MATN3: variants seen among roughly 807,000 people sequenced by gnomAD.
MATN3 encodes matrilin 3, also known as matrilin-3.
Under a neutral mutation model 45.3 loss-of-function variants are expected in MATN3, and 48 were observed. The observed-to-expected ratio is 1.06, with a 90% CI of 0.84 to 1.35. The LOEUF (loss-of-function observed/expected upper bound fraction) is 1.35. Among genes scored for constraint, MATN3 ranks in the 40% most tolerant of loss-of-function variants. The pLI is 0.00. For synonymous variants in MATN3, 217 were observed against 245.9 expected, an observed-to-expected ratio of 0.88 and a Z score of 1.10; for missense variants, 599 against 628.0, an observed-to-expected ratio of 0.95 and a Z score of 0.49.
chr2:19,997,693 A>G (rs1002864189), intron 5 of MATN3: 7 of 155,584 alleles, frequency 4.5e-5, no homozygotes, highest in African/African-American at 1.7e-4. Context: ...GATGCTGCAC[A>G]AAAAGCACTA....
At chr2:20,001,921 A>AAGT (rs1672991615) in intron 4 of MATN3, 34 bp downstream of exon 4, 1 of 1,605,162 alleles carries the variant, frequency 6.2e-7, no homozygotes, top group Non-Finnish European at 8.5e-7. Flanking sequence ...GCAGAGAGCT[A>AAGT]AGTAGCAATA....
At chr2:19,993,191 C>T in intron 7 of MATN3, 25 bp from the exon 8 acceptor site, 2 of 1,562,188 alleles carry the variant, frequency 1.3e-6, no homozygotes, top group Non-Finnish European at 1.8e-6. Flanking sequence ...AGGCCAACAC[C>T]ATTTATTTTT....
chr2:19,996,914 A>T (rs1672881749), intron 6 of MATN3, among the ~76,000 whole-genome samples: 1 of 152,236 alleles, frequency 6.6e-6, no homozygotes, highest in African/African-American at 2.4e-5. Flanking sequence ...AAGTTTAGTT[A>T]TTAAGAAAAA....
intron 3 of MATN3, 115 bp from the exon 4 acceptor site, chr2:20,002,195 G>GAT: frequency 2.2e-6 from 1 of 463,732 alleles, no homozygotes; most frequent in South Asian, 6.5e-5. Context: ...CACACACAGA[G>GAT]CTAATGAAAC....
rs1163216235 is a variant in MATN3, at chr2:20,012,530, C to T, written c.102G>A (p.Pro34=). 2 of 1,227,052 alleles carry T rather than the reference C, an allele frequency of 1.6e-6. No homozygotes were observed. The highest frequency in any genetic ancestry group is 2.0e-6 in the Non-Finnish European group (2 of 985,176). 76.0% of individuals were successfully genotyped at this position (1,227,052 alleles called of 1,614,324 possible). A position where few individuals can be genotyped will look rare whatever the true frequency, so the allele number is the denominator to read the frequency against. ...CTCGGGTCTCCAGCCTCCGGAAGCC[C>T]GGGCGGGCCACGGGGTCGGGGGCGG... The part of the protein sequence containing the change: ...PSAAPDPVAR[P]GFRRLETRGP... The change falls in exon 1 of 8, where the codon CCG becomes CCA. Residue 34 remains proline, a synonymous_variant. Transcript: ENST00000407540. The surrounding 1 kb of genome is among the most constrained non-coding windows in gnomAD (Gnocchi z 4.3).
At chr2:20,009,917 T>C (rs1009468784) in intron 1 of MATN3, among the ~76,000 whole-genome samples, 2 of 151,964 alleles carry the variant, frequency 1.3e-5, no homozygotes, top group Non-Finnish European at 2.9e-5. Context: ...ATTTCTTAAA[T>C]GTATTTGATT....
In MATN3 at chr2:20,006,084, CA is replaced by C. The variant is rs773124119; in HGVS notation, c.449del (p.Val150GlyfsTer15). The C allele has an allele frequency of 3.6e-5, 58 of 1,613,880 alleles. No homozygotes were observed. Among genetic ancestry groups the C allele is most frequent in the Non-Finnish European group, 4.8e-5 (57 of 1,179,894 alleles). On this transcript the variant is annotated frameshift_variant, in exon 2 of 8. Transcript: ENST00000407540. LOFTEE classifies it high-confidence loss of function. ...YTDKQSLKQA[V>X]GRITPLSTGT... Reference sequence around the variant, plus strand: ...CTGTTGACAAGGGTGTGATTCGACCCACGGCCTGCTTCAGGGACTGCTTATC... The same window carrying C: ...CTGTTGACAAGGGTGTGATTCGACCCCGGCCTGCTTCAGGGACTGCTTATC...
chr2:19,993,888 C>G (rs75669705), intron 7 of MATN3, among the ~76,000 whole-genome samples: 5,344 of 152,166 alleles, frequency 0.035, 308 homozygotes, highest in African/African-American at 0.12. Context: ...GCTTTTTGAC[C>G]ACTTGGCTAG....
chr2:20,011,119 A>C (rs1473135096), intron 1 of MATN3, among the ~76,000 whole-genome samples: 1 of 152,258 alleles, frequency 6.6e-6, no homozygotes, highest in African/African-American at 2.4e-5. Context: ...GATAATTTGG[A>C]ACAGGGTGGA....
chr2:19,995,454 AAAAAC>A lies in MATN3; in HGVS notation c.1295-1050_1295-1046del, dbSNP rs556272300. Among the ~76,000 whole-genome samples the A allele has an allele frequency of 1.1e-3, 172 of 152,338 alleles. No individual in the cohort carries two copies. Among genetic ancestry groups the A allele is most frequent in the African/African-American group, 3.9e-3 (164 of 41,582 alleles). On this transcript the variant is annotated intron_variant, in intron 6 of 7. Transcript: ENST00000407540. This position sits in a 1 kb window ranked among gnomAD's most constrained non-coding sequence, Gnocchi z 4.2. ...GGTGACAGATTGAAATGTCGTCTCA[AAAAAC>A]AAAACAAAAAAAAAGGATAAAAACC...
Position 20,006,180 on chromosome 2 carries a change from G to A in MATN3, c.354C>T (p.Ala118=), listed in dbSNP as rs192462913. The A allele has an allele frequency of 7.4e-4, 1,192 of 1,613,872 alleles. 13 individuals carry two copies. In the South Asian group the frequency reaches 0.012, roughly 16 times the overall value. The change falls in exon 2 of 8, where the codon GCC becomes GCT. Residue 118 remains alanine, a synonymous_variant. Coordinates refer to ENST00000407540, the MANE Select transcript of MATN3 (RefSeq NM_002381.5). ...RIIDTLDIGP[A]DTRVAVVNYA... ...AGTTCACCACTGCCACCCGCGTGTC[G>A]GCTGGCCCAATGTCCAGAGTGTCGA... is the stretch of plus-strand genomic sequence containing the variant.
At position 20,012,567 on chromosome 2, in the gene MATN3, A is replaced by G. The variant is rs1385607508; in HGVS notation, c.65T>C (p.Leu22Pro). The G allele has an allele frequency of 1.6e-6, 2 of 1,227,026 alleles. No homozygotes were observed. Among genetic ancestry groups the G allele is most frequent in the East Asian group, 3.2e-5 (1 of 31,070 alleles). The allele number at this position is 1,227,026 out of a possible 1,614,324, so 76.0% of individuals were successfully genotyped here. A position where few individuals can be genotyped will look rare whatever the true frequency, so the allele number is the denominator to read the frequency against. ...GLLLLLWPLL[L>P]LPSAAPDPVA... is the part of the protein sequence containing the mutation. The stretch of plus-strand genomic sequence containing the variant: ...GGGGTCGGGGGCGGCGGAGGGCAGC[A>G]GCAGCAGCGGCCAGAGCAGCAGGAG... Residue 22 changes from leucine to proline, a missense_variant, in exon 1 of 8, where the codon CTG becomes CCG. Physicochemically the swap from Leu to Pro is moderately conservative, Grantham distance 98. Transcript: ENST00000407540. The surrounding 1 kb of genome is among the most constrained non-coding windows in gnomAD (Gnocchi z 4.3).
At chr2:20,002,159 TATACACACAC>T in intron 3 of MATN3, 79 bp from the exon 4 acceptor site, 9 of 723,150 alleles carry the variant, frequency 1.2e-5, no homozygotes, top group East Asian at 4.4e-5. Context: ...CACTTACAGT[TATACACACAC>T]ACACACACAC....
rs149849256 is a variant in MATN3 at position 19,997,269 on chromosome 2, C to T, written c.1169-10G>A. 5,268 of 1,593,540 alleles carry T rather than the reference C, an allele frequency of 3.3e-3. 81 individuals are homozygous for T. In the Admixed American group the frequency reaches 0.039, roughly 12 times the overall value. ...GCACACTTGTCACGGACTGACCGCA[C>T]GTGGTGCAGGAAAGAAAATATTCAC... On this transcript the variant is annotated splice_polypyrimidine_tract_variant and intron_variant, in intron 5 of 7. Coordinates refer to ENST00000407540, the MANE Select transcript of MATN3 (RefSeq NM_002381.5).
At chr2:20,009,352 C>T (rs901333207) in intron 1 of MATN3, among the ~76,000 whole-genome samples, 6 of 151,052 alleles carry the variant, frequency 4.0e-5, no homozygotes, top group African/African-American at 7.3e-5. Flanking sequence ...AGCTGGAAGC[C>T]GTCATTCTCA....
chr2:20,007,254 G>A (rs546624833), intron 1 of MATN3, among the ~76,000 whole-genome samples: 74 of 151,670 alleles, frequency 4.9e-4, no homozygotes, highest in Admixed American at 3.1e-3. Context: ...GGGCCCGGGC[G>A]CGGTGGCTCA....
chr2:20,002,697 TCAAA>T (rs1196458735), intron 3 of MATN3, among the ~76,000 whole-genome samples: 7 of 152,026 alleles, frequency 4.6e-5, no homozygotes, highest in African/African-American at 1.7e-4. Flanking sequence ...CCTCCTGGTC[TCAAA>T]CAATCCTCCC....
At chr2:20,011,993 G>A (rs1673227115) in intron 1 of MATN3, among the ~76,000 whole-genome samples, 1 of 152,216 alleles carries the variant, frequency 6.6e-6, no homozygotes, top group South Asian at 2.1e-4. Context: ...AGGACTGTGG[G>A]AGGGGAGGAA....
Position 20,003,182 on chromosome 2 carries a change from C to T in MATN3, c.895G>A (p.Ala299Thr). Residue 299 changes from alanine to threonine, a missense_variant, in exon 3 of 8, where the codon GCC (alanine) becomes ACC (threonine). By Grantham distance (58) the Ala-to-Thr change is moderately conservative. Coordinates refer to ENST00000407540, the MANE Select transcript of MATN3 (RefSeq NM_002381.5). ...CECSQGYTLN[A>T]DKKTCSALDR... ...TCACCTGAACACGTTTTCTTGTCGG[C>T]ATTCAAGGTGTATCCTTGGCTACAC... 1.2e-6 allele frequency: 2 copies of T among 1,613,978 alleles called. No individual in the cohort carries two copies. The highest frequency in any genetic ancestry group is 1.7e-6 in the Non-Finnish European group (2 of 1,179,862).
Sources: gnomAD v4.1 joint callset for allele counts (sites outside exome capture counted in the v4.1 genomes callset) on GRCh38, gnomAD v4.1.1 for gene constraint, Gnocchi (gnomAD v3.1) non-coding constraint, MANE v1.5 for transcripts, NCBI Gene and HGNC (gene_info 2026-07-23, HGNC 2026-07-21) for gene names.